The following SEMA3E variants were observed in gnomAD, a reference collection of about 807,000 sequenced individuals.
SEMA3E encodes semaphorin-3E.
Under a neutral mutation model 93.6 loss-of-function variants are expected in SEMA3E, and 49 were observed. The observed-to-expected ratio is 0.52, with a 90% CI of 0.42 to 0.66. The LOEUF (loss-of-function observed/expected upper bound fraction) is 0.66. Among genes scored for constraint, SEMA3E ranks in the 30% least tolerant of loss-of-function variants. SEMA3E has a pLI of 0.00. For synonymous variants in SEMA3E, 363 were observed against 330.7 expected, an observed-to-expected ratio of 1.10 and a Z score of -1.06; for missense variants, 906 against 964.8, an observed-to-expected ratio of 0.94 and a Z score of 0.81.
chr7:83,379,818 G>A (rs1359561390), intron 16 of SEMA3E, among the ~76,000 whole-genome samples: 4 of 151,784 alleles, frequency 2.6e-5, no homozygotes, highest in African/African-American at 9.7e-5. Context: ...TCCTTCATGG[G>A]ACTGTTGCAA....
rs114506535 is a variant in SEMA3E at position 83,583,454 on chromosome 7, T to C, written c.115+64974A>G. Among the ~76,000 whole-genome samples, 735 of 152,238 alleles carry C rather than the reference T, an allele frequency of 4.8e-3. 6 individuals are homozygous for C. Among genetic ancestry groups the C allele is most frequent in the African/African-American group, 0.015 (629 of 41,562 alleles). ...TCAAAATTAACTGTGAATCCATCCC[T>C]GTGCAAGAGCAAACATAGCTGGGGG... is the stretch of plus-strand genomic sequence containing the variant. On this transcript the variant is annotated intron_variant, in intron 1 of 16. Transcript: ENST00000643230.
intron 3 of SEMA3E, 65 bp from the exon 4 acceptor site, chr7:83,466,666 T>A: frequency 6.3e-7 from 1 of 1,596,666 alleles, no homozygotes; most frequent in Non-Finnish European, 8.5e-7. Context: ...CTTTTTGATT[T>A]TTGTTTTTCC....
chr7:83,525,615 T>C (rs1791139905), intron 1 of SEMA3E, among the ~76,000 whole-genome samples: 2 of 152,044 alleles, frequency 1.3e-5, no homozygotes, highest in African/African-American at 4.8e-5. Flanking sequence ...TTTTTATTCT[T>C]CTTCGCATAC....
At chr7:83,426,215 C>T (rs1035759066) in intron 4 of SEMA3E, among the ~76,000 whole-genome samples, 12 of 152,066 alleles carry the variant, frequency 7.9e-5, no homozygotes, top group Admixed American at 7.2e-4. Flanking sequence ...CCCAGCAATC[C>T]CGTTACTAGG....
In SEMA3E at chr7:83,364,429, G is replaced by C. The variant is rs888372729; in HGVS notation, c.*3157C>G. 1.3e-5 allele frequency: 2 copies of C among 152,106 alleles called. No individual in the cohort carries two copies. The highest frequency in any genetic ancestry group is 4.8e-5 in the African/African-American group (2 of 41,416). The allele number at this position is 152,106 out of a possible 1,614,324, so 9.4% of individuals were successfully genotyped here. A position where few individuals can be genotyped will look rare whatever the true frequency, so the allele number is the denominator to read the frequency against. On this transcript the variant is annotated 3_prime_UTR_variant, in exon 17 of 17. Coordinates refer to ENST00000643230, the MANE Select transcript of SEMA3E (RefSeq NM_012431.3). ...GTATGGAATTGCCACTTACTAAACA[G>C]GCAGACTTTCTGTTCCCTTTTTTCT...
chr7:83,466,411 G>A (rs997877741), intron 4 of SEMA3E, 71 bp downstream of exon 4: 53 of 1,532,722 alleles, frequency 3.5e-5, no homozygotes, highest in Non-Finnish European at 4.6e-5. Context: ...AAGAAATGCT[G>A]TAGTCTTTCT....
chr7:83,472,830 C>A (rs929494848), intron 2 of SEMA3E, among the ~76,000 whole-genome samples: 1 of 152,116 alleles, frequency 6.6e-6, no homozygotes, highest in African/African-American at 2.4e-5. Flanking sequence ...GGCCGTTTCC[C>A]CCATGCTGTT....
In SEMA3E at chr7:83,363,578, C is replaced by T. The variant is rs1584191768; in HGVS notation, c.*4008G>A. ...AAGCCAAAATATAAAGCTATCCTTC[C>T]AAGAAAAAAAAAATAAACATACCAG... On this transcript the variant is annotated 3_prime_UTR_variant, in exon 17 of 17. Transcript: ENST00000643230. 3 of 150,916 alleles carry T rather than the reference C, an allele frequency of 2.0e-5. 1 individual carries two copies. In the East Asian group the frequency reaches 5.8e-4, roughly 29 times the overall value. 9.3% of individuals were successfully genotyped at this position (150,916 alleles called of 1,614,324 possible).
chr7:83,386,849 G>A (rs1584209028), intron 15 of SEMA3E, 134 bp downstream of exon 15: 6 of 828,684 alleles, frequency 7.2e-6, no homozygotes, highest in South Asian at 6.8e-5. Flanking sequence ...ACATGTCAGA[G>A]AAAAAGAATA....
intron 7 of SEMA3E, 31 bp from the exon 8 acceptor site, chr7:83,406,090 A>ACCT: frequency 6.8e-7 from 1 of 1,472,898 alleles, no homozygotes; most frequent in Non-Finnish European, 9.5e-7. Flanking sequence ...GTAAATAGTT[A>ACCT]CCTAAAGAAT....
chr7:83,418,302 G>A, intron 5 of SEMA3E, 88 bp downstream of exon 5: 1 of 938,864 alleles, frequency 1.1e-6, no homozygotes, highest in Non-Finnish European at 1.7e-6. Flanking sequence ...AGTATGTAAA[G>A]AAATGCTGAA....
chr7:83,405,906 A>T (rs1788319758), intron 8 of SEMA3E, 39 bp downstream of exon 8: 6 of 1,411,488 alleles, frequency 4.3e-6, no homozygotes, highest in African/African-American at 1.4e-5. Context: ...AGAAGCATAT[A>T]CATAAAAGAG....
At chr7:83,562,237 A>G (rs1792043523) in intron 1 of SEMA3E, among the ~76,000 whole-genome samples, 1 of 152,106 alleles carries the variant, frequency 6.6e-6, no homozygotes, top group African/African-American at 2.4e-5. Flanking sequence ...TTACAGAGAT[A>G]CTTTTGCATT....
At chr7:83,517,663 C>T (rs1679761017) in intron 1 of SEMA3E, among the ~76,000 whole-genome samples, 1 of 151,784 alleles carries the variant, frequency 6.6e-6, no homozygotes, top group Admixed American at 6.6e-5. Context: ...CCTAGAGCTG[C>T]CAAACTGCTG....
At chr7:83,631,659 T>C (rs1793789137) in intron 1 of SEMA3E, among the ~76,000 whole-genome samples, 1 of 152,200 alleles carries the variant, frequency 6.6e-6, no homozygotes, top group African/African-American at 2.4e-5. Context: ...CACACACTGT[T>C]ACTACACATA....
chr7:83,527,953 TATA>T lies in SEMA3E; in HGVS notation c.116-37682_116-37680del, dbSNP rs1211294600. 4.6e-5 allele frequency among the ~76,000 whole-genome samples: 7 copies of T among 152,196 alleles called. No homozygotes were observed. The South Asian group carries it at 1.4e-3, about 32-fold the overall frequency. ...AAACCAAGAAAAAGAATAAGTTAGT[TATA>T]ATAAGACAGATGACCTTTTAAACAA... is the stretch of plus-strand genomic sequence containing the variant. On this transcript the variant is annotated intron_variant, in intron 1 of 16. Transcript: ENST00000643230.
At chr7:83,520,587 G>T (rs933139384) in intron 1 of SEMA3E, among the ~76,000 whole-genome samples, 1 of 152,072 alleles carries the variant, frequency 6.6e-6, no homozygotes, top group Non-Finnish European at 1.5e-5. Flanking sequence ...TGCAGCAGTA[G>T]AAGGTCAAAA....
At chr7:83,609,958 T>A (rs1011247106) in intron 1 of SEMA3E, among the ~76,000 whole-genome samples, 2 of 151,920 alleles carry the variant, frequency 1.3e-5, no homozygotes, top group Admixed American at 6.6e-5. Context: ...CCCCTCTATT[T>A]GGAAAGGAAA....
At chr7:83,590,378 G>A (rs865862402) in intron 1 of SEMA3E, among the ~76,000 whole-genome samples, 5 of 152,130 alleles carry the variant, frequency 3.3e-5, no homozygotes, top group African/African-American at 1.2e-4. Flanking sequence ...AAAATCTGGA[G>A]CGTAAATATA....
Sources: allele counts gnomAD v4.1 joint callset (sites outside exome capture counted in the v4.1 genomes callset), GRCh38; gene constraint gnomAD v4.1.1; transcripts MANE v1.5; gene names NCBI Gene and HGNC (gene_info 2026-07-23, HGNC 2026-07-21).